MBNL2: variants seen among roughly 807,000 people sequenced by gnomAD.
MBNL2 encodes the protein muscleblind like splicing regulator 2.
A neutral mutation model predicts 41.9 loss-of-function variants in MBNL2; 17 were observed. The observed-to-expected ratio is 0.41, with a 90% CI of 0.28 to 0.61. MBNL2 has a LOEUF of 0.61. Ranked by LOEUF, MBNL2 falls within the 20% of genes least tolerant of loss-of-function variation. The pLI is 0.35. For synonymous variants in MBNL2, 195 were observed against 182.9 expected (o/e 1.07, Z -0.53); for missense variants, 336 against 505.6 (o/e 0.66, Z 3.22).
At chr13:97,272,838 ATACT>A (rs2152921484) in intron 1 of MBNL2, among the ~76,000 whole-genome samples, 1 of 152,372 alleles carries the variant, frequency 6.6e-6, no homozygotes, top group South Asian at 2.1e-4. Context: ...ATTCAAATAA[ATACT>A]TAATTTTAAG....
chr13:97,141,938 T>C, the MBNL2 span, among the ~76,000 whole-genome samples: 1 of 152,144 alleles, frequency 6.6e-6, no homozygotes, highest in Admixed American at 6.5e-5. Flanking sequence ...GATCACCTTT[T>C]CTCCTTGGCT....
At chr13:97,210,571 A>ATTTTTTTTTTTTTTTTTTTT in the MBNL2 span, among the ~76,000 whole-genome samples, 1 of 65,466 alleles carries the variant, frequency 1.5e-5, no homozygotes, top group African/African-American at 6.3e-5. Flanking sequence ...ACAACTGTGA[A>ATTTTTTTTTTTTTTTTTTTT]TTTTTTTTTT....
Position 97,343,098 on chromosome 13 carries a change from T to C in MBNL2, c.422T>C (p.Val141Ala). The C allele has an allele frequency of 6.2e-7, 1 of 1,613,708 alleles. No individual in the cohort carries two copies. Among genetic ancestry groups the C allele is most frequent in the Non-Finnish European group, 8.5e-7 (1 of 1,179,732 alleles). Residue 141 changes from valine (V) to alanine (A), a missense_variant, in exon 4 of 9, where the codon GTT becomes GCT. Physicochemically the swap from Val to Ala is moderately conservative, Grantham distance 64. Coordinates refer to ENST00000679496, the MANE Select transcript of MBNL2 (RefSeq NM_001382683.1). ...TACCTAGCACCTGTAACCCCTGGAG[T>C]TGGGTTGGTCCCAACGGAAATTCTG... ...APYLAPVTPGVGLVPTEILPT... is the reference protein window; with the variant it reads ...APYLAPVTPGAGLVPTEILPT...
chr13:97,365,594 T>A (rs886957160), intron 8 of MBNL2, among the ~76,000 whole-genome samples: 1 of 152,214 alleles, frequency 6.6e-6, no homozygotes, highest in African/African-American at 2.4e-5. Flanking sequence ...GAAGTATTCA[T>A]TTTTTACAAA....
At chr13:97,237,778 C>T (rs1185931125) in intron 1 of MBNL2, among the ~76,000 whole-genome samples, 1 of 152,144 alleles carries the variant, frequency 6.6e-6, no homozygotes, top group Non-Finnish European at 1.5e-5. Flanking sequence ...CAGCAGAGAG[C>T]CACCAAATAT....
chr13:97,187,512 T>G, the MBNL2 span, among the ~76,000 whole-genome samples: 3 of 139,442 alleles, frequency 2.2e-5, no homozygotes, highest in Non-Finnish European at 4.5e-5. Context: ...CCCAGAGCCA[T>G]GCATAGTACT....
At chr13:97,310,043 G>A (rs1350960772) in intron 2 of MBNL2, among the ~76,000 whole-genome samples, 1 of 152,242 alleles carries the variant, frequency 6.6e-6, no homozygotes, top group Non-Finnish European at 1.5e-5. Context: ...GGCCTAGGAG[G>A]GTGGTAAGGA....
At chr13:97,201,333 T>C in the MBNL2 span, among the ~76,000 whole-genome samples, 4 of 152,266 alleles carry the variant, frequency 2.6e-5, no homozygotes, top group African/African-American at 9.6e-5. Flanking sequence ...TGATTATACT[T>C]ATAATGTTGC....
At chr13:97,246,229 CT>C (rs1474257803) in intron 1 of MBNL2, among the ~76,000 whole-genome samples, 1 of 151,272 alleles carries the variant, frequency 6.6e-6, no homozygotes, top group African/African-American at 2.4e-5. Flanking sequence ...AATTTAAGAA[CT>C]TTAGCATTTT....
chr13:97,252,566 T>C (rs1055192473), intron 1 of MBNL2, among the ~76,000 whole-genome samples: 1 of 152,186 alleles, frequency 6.6e-6, no homozygotes, highest in African/African-American at 2.4e-5. Flanking sequence ...TTTGTTAATT[T>C]TTTTGCTTGT....
chr13:97,374,939 C>T (rs1048784525), intron 8 of MBNL2, among the ~76,000 whole-genome samples: 3 of 152,124 alleles, frequency 2.0e-5, no homozygotes, highest in Non-Finnish European at 2.9e-5. Context: ...GGATGAACAA[C>T]GGGCAGGGTT....
intron 1 of MBNL2, among the ~76,000 whole-genome samples, chr13:97,250,697 G>T (rs186917802): frequency 3.3e-5 from 5 of 152,186 alleles, no homozygotes; most frequent in Non-Finnish European, 7.4e-5. Flanking sequence ...AGTCTGTCCA[G>T]GCTTGGCTTG....
chr13:97,178,559 C>T, the MBNL2 span, among the ~76,000 whole-genome samples: 1 of 152,162 alleles, frequency 6.6e-6, no homozygotes, highest in South Asian at 2.1e-4. Flanking sequence ...TCTTTCATAG[C>T]AGAGAGAATC....
At chr13:97,349,591 G>A (rs1160486075) in intron 5 of MBNL2, among the ~76,000 whole-genome samples, 1 of 152,152 alleles carries the variant, frequency 6.6e-6, no homozygotes, top group African/African-American at 2.4e-5. Flanking sequence ...GCAGTGGTGC[G>A]ATCTTGGCTC....
chr13:97,324,694 A>G (rs944531313), intron 2 of MBNL2, among the ~76,000 whole-genome samples: 1 of 152,198 alleles, frequency 6.6e-6, no homozygotes, highest in Non-Finnish European at 1.5e-5. Context: ...AAGCCAGTCC[A>G]AGTCCCAAAA....
At chr13:97,214,832 A>G in the MBNL2 span, among the ~76,000 whole-genome samples, 3 of 152,240 alleles carry the variant, frequency 2.0e-5, no homozygotes, top group Non-Finnish European at 2.9e-5. Flanking sequence ...CAGCCAGCCC[A>G]GAAGAATAGC....
chr13:97,235,139 T>A (rs2043034807), intron 1 of MBNL2, among the ~76,000 whole-genome samples: 1 of 152,124 alleles, frequency 6.6e-6, no homozygotes, highest in African/African-American at 2.4e-5. Flanking sequence ...GCCCAGAGCT[T>A]GATCTGAAGC....
intron 8 of MBNL2, among the ~76,000 whole-genome samples, chr13:97,370,666 T>C (rs1380962851): frequency 9.1e-6 from 1 of 109,706 alleles, no homozygotes; most frequent in Non-Finnish European, 1.9e-5. Context: ...GGAAACTCCG[T>C]CAAAAAAAAA....
At chr13:97,193,943 T>C in the MBNL2 span, among the ~76,000 whole-genome samples, 82 of 152,226 alleles carry the variant, frequency 5.4e-4, no homozygotes, top group Non-Finnish European at 8.8e-4. Flanking sequence ...CCTGGTCTTT[T>C]AGTTTCTGCA....
Sources: allele counts gnomAD v4.1 joint callset (sites outside exome capture counted in the v4.1 genomes callset), GRCh38; gene constraint gnomAD v4.1.1; transcripts MANE v1.5; gene names NCBI Gene and HGNC (gene_info 2026-07-23, HGNC 2026-07-21).